The following RGMA variants were observed in gnomAD, a reference collection of about 807,000 sequenced individuals.
The protein encoded by RGMA is repulsive guidance molecule A.
In RGMA, 10 loss-of-function variants were observed where a neutral mutation model predicts 23.2. The observed-to-expected ratio is 0.43, with a 90% CI of 0.27 to 0.73. The LOEUF (loss-of-function observed/expected upper bound fraction) is 0.73. RGMA is among the 30% of genes least tolerant of loss of function. The pLI, the probability that RGMA is intolerant of heterozygous loss-of-function variation, is 0.20. For missense variants in RGMA, 547 were observed against 630.5 expected, an observed-to-expected ratio of 0.87 and a Z score of 1.42; for synonymous variants, 308 against 279.3, an observed-to-expected ratio of 1.10 and a Z score of -1.03.
At position 93,045,649 on chromosome 15, in the gene RGMA, A is replaced by T; in HGVS notation, c.702T>A (p.Ala234=). Residue 234 remains alanine, a synonymous_variant, in exon 4 of 4, where the codon GCT becomes GCA. Transcript: ENST00000329082. This position sits in a 1 kb window ranked among gnomAD's most constrained non-coding sequence, Gnocchi z 6.9. Reference sequence around the variant, plus strand: ...AGGCGGCCGGGAGCTCGTCCATCTCAGCCTGGTACACCTTCTGGTCCACAC... The same window carrying T: ...AGGCGGCCGGGAGCTCGTCCATCTCTGCCTGGTACACCTTCTGGTCCACAC... ...QECVDQKVYQ[A]EMDELPAAFV... is the part of the protein sequence containing the mutation. The T allele has an allele frequency of 2.5e-6, 4 of 1,610,392 alleles. No individual in the cohort carries two copies. The highest frequency in any genetic ancestry group is 3.4e-6 in the Non-Finnish European group (4 of 1,179,868).
chr15:93,050,437 C>T (rs1443473114), intron 3 of RGMA, among the ~76,000 whole-genome samples: 1 of 152,224 alleles, frequency 6.6e-6, no homozygotes, highest in Non-Finnish European at 1.5e-5. Flanking sequence ...GTCTGGCCTC[C>T]AGCAGAGCCT....
intron 2 of RGMA, among the ~76,000 whole-genome samples, chr15:93,071,466 A>G (rs558243622): frequency 7.2e-5 from 11 of 152,266 alleles, no homozygotes; most frequent in African/African-American, 2.4e-4. Flanking sequence ...CTCACCCGAC[A>G]TCTTGTCCTT....
chr15:93,075,162 GA>G (rs34996234), intron 1 of RGMA, among the ~76,000 whole-genome samples: 24 of 143,926 alleles, frequency 1.7e-4, no homozygotes, highest in East Asian at 1.0e-3. Context: ...TTAAAAGCAG[GA>G]AAAAAAAAAG....
intron 2 of RGMA, among the ~76,000 whole-genome samples, chr15:93,072,320 C>T (rs1396932834): frequency 6.6e-6 from 1 of 152,192 alleles, no homozygotes; most frequent in East Asian, 1.9e-4. Flanking sequence ...AAATTCTCTC[C>T]TTTTCTGACA....
At chr15:93,056,242 T>C (rs978873649) in intron 2 of RGMA, among the ~76,000 whole-genome samples, 2 of 152,072 alleles carry the variant, frequency 1.3e-5, no homozygotes, top group African/African-American at 2.4e-5. Context: ...CCGGAGTGTG[T>C]GAAGGCGACA....
At chr15:93,055,314 G>C (rs144127468) in intron 2 of RGMA, among the ~76,000 whole-genome samples, 9 of 152,296 alleles carry the variant, frequency 5.9e-5, no homozygotes, top group Non-Finnish European at 1.2e-4. Flanking sequence ...GCTGGGCTCT[G>C]ACTCTCCACC....
chr15:93,059,127 G>A (rs1555449530), intron 2 of RGMA, among the ~76,000 whole-genome samples: 5 of 151,872 alleles, frequency 3.3e-5, no homozygotes, highest in Non-Finnish European at 2.9e-5. Context: ...GGGCTGAGAT[G>A]GGCAGGCCTG....
At chr15:93,046,930 A>G (rs7176738) in intron 3 of RGMA, among the ~76,000 whole-genome samples, 104,409 of 151,886 alleles carry the variant, frequency 0.69, 36,796 homozygotes, top group East Asian at 0.91. Flanking sequence ...CCAGACACAG[A>G]GGCATTGGCT....
At chr15:93,067,133 T>C (rs1174607035) in intron 2 of RGMA, among the ~76,000 whole-genome samples, 1 of 152,260 alleles carries the variant, frequency 6.6e-6, no homozygotes, top group Non-Finnish European at 1.5e-5. Context: ...TTGTGAAATG[T>C]TCATTTAGTG....
intron 1 of RGMA, among the ~76,000 whole-genome samples, chr15:93,080,820 T>C (rs994466293): frequency 2.0e-5 from 3 of 152,198 alleles, no homozygotes; most frequent in Admixed American, 6.5e-5. Flanking sequence ...GCCGTGTTTC[T>C]TTTCTCCCTA....
intron 1 of RGMA, among the ~76,000 whole-genome samples, chr15:93,079,756 G>A (rs1471375425): frequency 6.6e-6 from 1 of 152,084 alleles, no homozygotes; most frequent in Non-Finnish European, 1.5e-5. Flanking sequence ...GTAGGCGGAG[G>A]TTGCAGTGAG....
intron 1 of RGMA, chr15:93,074,144 C>A: frequency 1.7e-6 from 1 of 597,036 alleles, no homozygotes. Context: ...TAGTCCTGAG[C>A]AAGTGTTCTT....
chr15:93,041,960 C>G lies in RGMA; in HGVS notation c.*3038G>C, dbSNP rs1159089281. ...CAGGCGGATCACGAGGTCAGGAGAT[C>G]AAGACCATACTGGTCAACATGGTGA... On this transcript the variant is annotated 3_prime_UTR_variant, in exon 4 of 4. Coordinates refer to ENST00000329082, the MANE Select transcript of RGMA (RefSeq NM_020211.3). 2.0e-5 allele frequency: 3 copies of G among 152,300 alleles called. No individual in the cohort carries two copies. The highest frequency in any genetic ancestry group is 4.4e-5 in the Non-Finnish European group (3 of 68,124). The allele number at this position is 152,300 out of a possible 1,614,324, so 9.4% of individuals were successfully genotyped here.
At chr15:93,048,090 G>T (rs987499543) in intron 3 of RGMA, among the ~76,000 whole-genome samples, 1 of 152,178 alleles carries the variant, frequency 6.6e-6, no homozygotes, top group African/African-American at 2.4e-5. Context: ...AGAGGCCTGA[G>T]GCCTGGAAAG....
chr15:93,071,779 C>G (rs1214478507), intron 2 of RGMA, among the ~76,000 whole-genome samples: 1 of 152,232 alleles, frequency 6.6e-6, no homozygotes, highest in Non-Finnish European at 1.5e-5. Context: ...CGAGTCTAAA[C>G]TCAAGTCCTT....
Position 93,052,341 on chromosome 15 carries a change from G to A in RGMA, c.297C>T (p.Tyr99=). The change falls in exon 3 of 4, where the codon TAC becomes TAT. Residue 99 remains tyrosine (Y), a synonymous_variant. Coordinates refer to ENST00000329082, the MANE Select transcript of RGMA (RefSeq NM_020211.3). ...TARTCRGDLA[Y]HSAVHGIEDL... is the part of the protein sequence containing the mutation. Reference sequence around the variant, plus strand: ...CCTCTATGCCATGGACGGCCGAGTGGTAGGCCAGGTCACCCCGGCAGGTGC... The same window carrying A: ...CCTCTATGCCATGGACGGCCGAGTGATAGGCCAGGTCACCCCGGCAGGTGC... 1 of 1,602,210 alleles carries A rather than the reference G, an allele frequency of 6.2e-7. No individual in the cohort carries two copies. The highest frequency in any genetic ancestry group is 1.1e-5 in the South Asian group (1 of 91,000).
intron 1 of RGMA, chr15:93,088,531 C>A (rs1596111152): frequency 5.0e-6 from 5 of 1,001,580 alleles, no homozygotes; most frequent in Non-Finnish European, 5.9e-6. Flanking sequence ...GAGGCGGGGG[C>A]CCGGGCGGCG....
chr15:93,088,171 G>T, intron 1 of RGMA: 1 of 764,416 alleles, frequency 1.3e-6, no homozygotes, highest in Non-Finnish European at 1.6e-6. Flanking sequence ...CTACCTCCGA[G>T]CAAGTCTAAT....
intron 1 of RGMA, among the ~76,000 whole-genome samples, chr15:93,080,860 A>G (rs1420653938): frequency 1.3e-5 from 2 of 152,154 alleles, no homozygotes; most frequent in East Asian, 1.9e-4. Context: ...CTGGGACTAT[A>G]AACTGGGGTA....
Sources: allele counts gnomAD v4.1 joint callset (sites outside exome capture counted in the v4.1 genomes callset), GRCh38; gene constraint gnomAD v4.1.1; non-coding constraint Gnocchi (gnomAD v3.1); transcripts MANE v1.5; gene names NCBI Gene and HGNC (gene_info 2026-07-23, HGNC 2026-07-21).